ANKRD12: variants seen among roughly 807,000 people sequenced by gnomAD.
The protein encoded by ANKRD12 is ankyrin repeat domain-containing protein 12.
A neutral mutation model predicts 183.4 loss-of-function variants in ANKRD12; 85 were observed. The observed-to-expected ratio is 0.46, with a 90% CI of 0.39 to 0.56. ANKRD12 has a LOEUF of 0.56. Ranked by LOEUF, ANKRD12 falls within the 20% of genes least tolerant of loss-of-function variation. ANKRD12 has a pLI of 0.00. For missense variants in ANKRD12, 2,405 were observed against 2,357.1 expected (o/e 1.02, Z -0.42); for synonymous variants, 914 against 800.2 (o/e 1.14, Z -2.40).
At chr18:9,246,829 A>G (rs569156629) in intron 8 of ANKRD12, among the ~76,000 whole-genome samples, 15 of 152,336 alleles carry the variant, frequency 9.8e-5, no homozygotes, top group African/African-American at 3.6e-4. Context: ...TAAATTAGTT[A>G]ATCCTTAAAA....
chr18:9,143,516 A>G (rs2078390964), intron 1 of ANKRD12, among the ~76,000 whole-genome samples: 1 of 152,176 alleles, frequency 6.6e-6, no homozygotes, highest in African/African-American at 2.4e-5. Context: ...GCTGGAGTGT[A>G]AAGGCATGAT....
At chr18:9,162,681 G>C (rs1307047827) in intron 1 of ANKRD12, among the ~76,000 whole-genome samples, 1 of 152,136 alleles carries the variant, frequency 6.6e-6, no homozygotes, top group Non-Finnish European at 1.5e-5. Context: ...CAGTGTAAAA[G>C]CATTTCTTTT....
chr18:9,181,346 T>C (rs1419062348), intron 1 of ANKRD12, among the ~76,000 whole-genome samples: 1 of 152,234 alleles, frequency 6.6e-6, no homozygotes, highest in Non-Finnish European at 1.5e-5. Flanking sequence ...CAGATTTTAC[T>C]AATACTCTGT....
Position 9,258,380 on chromosome 18 carries a change from C to G in ANKRD12, c.5113C>G (p.Pro1705Ala), listed in dbSNP as rs375665799. 2 of 1,613,534 alleles carry G rather than the reference C, an allele frequency of 1.2e-6. No individual in the cohort carries two copies. The highest frequency in any genetic ancestry group is 2.7e-5 in the African/African-American group (2 of 74,874). The change falls in exon 9 of 13, where the codon CCA (proline) becomes GCA (alanine). Residue 1705 changes from proline (P) to alanine (A), a missense_variant. Pro to Ala is a conservative substitution (Grantham distance 27). Transcript: ENST00000262126. ...AAACCATTCACAGCAGTCAACTCAA[C>G]CAGAAATGCATAAATATGGTCAGTT... Reference protein sequence around the residue: ...LENHSQQSTQPEMHKYGQLVK... With the variant: ...LENHSQQSTQAEMHKYGQLVK...
chr18:9,254,490 C>T lies in ANKRD12; in HGVS notation c.1223C>T (p.Pro408Leu), dbSNP rs373658455. 1 of 1,545,528 alleles carries T rather than the reference C, an allele frequency of 6.5e-7. No individual in the cohort carries two copies. The highest frequency in any genetic ancestry group is 8.7e-7 in the Non-Finnish European group (1 of 1,152,680). ...GCAAAACAGGAGAAAGCCTTCTATC[C>T]TAAATCATTTAAAAGTAAAAAACAA... ...LFAKQEKAFY[P>L]KSFKSKKQKP... Residue 408 changes from proline (P) to leucine (L), a missense_variant, in exon 9 of 13, where the codon CCT (proline) becomes CTT (leucine). Physicochemically the swap from Pro to Leu is moderately conservative, Grantham distance 98. This residue lies in a region of ANKRD12 where 1,983 missense variants were observed against 1,725.9 expected (regional missense o/e 1.15). Coordinates refer to ENST00000262126, the MANE Select transcript of ANKRD12 (RefSeq NM_015208.5).
chr18:9,249,686 GAATA>G (rs1346701767), intron 8 of ANKRD12: 1 of 152,158 alleles, frequency 6.6e-6, no homozygotes, highest in East Asian at 1.9e-4. Flanking sequence ...AGTAGGAAAA[GAATA>G]AATCTGTAAC....
chr18:9,233,240 A>T (rs952668428), intron 8 of ANKRD12, among the ~76,000 whole-genome samples: 2 of 151,954 alleles, frequency 1.3e-5, no homozygotes, highest in African/African-American at 4.8e-5. Context: ...ATTTCATTCA[A>T]GGAGTTCTTC....
At chr18:9,193,002 G>A (rs1385050079) in intron 2 of ANKRD12, among the ~76,000 whole-genome samples, 1 of 151,800 alleles carries the variant, frequency 6.6e-6, no homozygotes, top group African/African-American at 2.4e-5. Flanking sequence ...TGTTTTCTGT[G>A]GTAATTGGTC....
rs747213116 is a variant in ANKRD12 at position 9,258,676 on chromosome 18, A to G, written c.5409A>G (p.Leu1803=). ...PQPVQVSPSL[L]QAKEKTQQSL... Reference sequence around the variant, plus strand: ...CTGTGCAAGTGAGTCCCTCTTTACTACAAGCAAAAGAGAAAACTCAGCAAT... The same window carrying G: ...CTGTGCAAGTGAGTCCCTCTTTACTGCAAGCAAAAGAGAAAACTCAGCAAT... The change falls in exon 9 of 13, where the codon CTA becomes CTG. Residue 1803 remains leucine (L), a synonymous_variant. Transcript: ENST00000262126. 6.2e-7 allele frequency: 1 copy of G among 1,613,858 alleles called. No homozygotes were observed. Among genetic ancestry groups the G allele is most frequent in the Non-Finnish European group, 8.5e-7 (1 of 1,179,932 alleles).
In ANKRD12 at chr18:9,254,636, A is replaced by G. The variant is rs763078863; in HGVS notation, c.1369A>G (p.Lys457Glu). ...PETSNSDMQT[K>E]KEYVVSGEHK... The stretch of plus-strand genomic sequence containing the variant: ...AACATCAAATTCTGATATGCAAACC[A>G]AAAAGGAATATGTAGTTTCAGGTGA... Residue 457 changes from lysine to glutamate, a missense_variant, in exon 9 of 13, where the codon AAA becomes GAA. Physicochemically the swap from Lys to Glu is moderately conservative, Grantham distance 56. Around this residue, in one of 7 missense-constraint regions of ANKRD12, gnomAD observed 1,983 missense variants for 1,725.9 expected, o/e 1.15. Coordinates refer to ENST00000262126, the MANE Select transcript of ANKRD12 (RefSeq NM_015208.5). 9 of 1,578,496 alleles carry G rather than the reference A, an allele frequency of 5.7e-6. No homozygotes were observed. The highest frequency in any genetic ancestry group is 7.7e-6 in the Non-Finnish European group (9 of 1,166,148).
intron 8 of ANKRD12, among the ~76,000 whole-genome samples, chr18:9,241,795 T>G (rs2037677971): frequency 6.6e-6 from 1 of 152,148 alleles, no homozygotes; most frequent in Admixed American, 6.6e-5. Flanking sequence ...ATCACCAACT[T>G]GCTTCTACCT....
chr18:9,255,544 G>T lies in ANKRD12; in HGVS notation c.2277G>T (p.Glu759Asp). The T allele has an allele frequency of 6.3e-7, 1 of 1,576,058 alleles. No individual in the cohort carries two copies. The highest frequency in any genetic ancestry group is 8.5e-7 in the Non-Finnish European group (1 of 1,169,874). ...EERDKIKKESEKSFREEKIKD... is the reference protein window; with the variant it reads ...EERDKIKKESDKSFREEKIKD... The stretch of plus-strand genomic sequence containing the variant: ...GAGACAAGATTAAAAAGGAAAGCGA[G>T]AAATCTTTTAGGGAGGAAAAAATAA... Residue 759 changes from glutamate to aspartate, a missense_variant, in exon 9 of 13, where the codon GAG becomes GAT. Glu to Asp is a conservative substitution (Grantham distance 45, BLOSUM62 2). Around this residue, in one of 7 missense-constraint regions of ANKRD12, gnomAD observed 1,983 missense variants for 1,725.9 expected, o/e 1.15. Transcript: ENST00000262126.
chr18:9,232,568 C>T lies in ANKRD12; in HGVS notation c.943+10569C>T, dbSNP rs537688423. On this transcript the variant is annotated intron_variant, in intron 8 of 12. Transcript: ENST00000262126. ...TTTAGAATTTTCTCTCTGTTATTGA[C>T]TTTAGACAGTTGGACTATAATGTGC... 1.6e-4 allele frequency among the ~76,000 whole-genome samples: 25 copies of T among 152,282 alleles called. No homozygotes were observed. The South Asian group carries it at 5.0e-3, about 30-fold the overall frequency.
At chr18:9,165,592 G>A (rs1360784527) in intron 1 of ANKRD12, among the ~76,000 whole-genome samples, 1 of 152,024 alleles carries the variant, frequency 6.6e-6, no homozygotes. Flanking sequence ...TCACACAAGT[G>A]GAATCATATA....
chr18:9,254,654 T>C lies in ANKRD12; in HGVS notation c.1387T>C (p.Ser463Pro). ...GCAAACCAAAAAGGAATATGTAGTTTCAGGTGAACACAAACAGAAAGGCAA... is the reference window on the plus strand; with the variant it reads ...GCAAACCAAAAAGGAATATGTAGTTCCAGGTGAACACAAACAGAAAGGCAA... ...DMQTKKEYVV[S>P]GEHKQKGKVK... Residue 463 changes from serine to proline, a missense_variant, in exon 9 of 13, where the codon TCA (serine) becomes CCA (proline). By Grantham distance (74) the Ser-to-Pro change is moderately conservative (BLOSUM62 -1). Around this residue, in one of 7 missense-constraint regions of ANKRD12, gnomAD observed 1,983 missense variants for 1,725.9 expected, o/e 1.15. Coordinates refer to ENST00000262126, the MANE Select transcript of ANKRD12 (RefSeq NM_015208.5). 6.4e-7 allele frequency: 1 copy of C among 1,564,424 alleles called. No homozygotes were observed. The highest frequency in any genetic ancestry group is 8.6e-7 in the Non-Finnish European group (1 of 1,158,622).
intron 2 of ANKRD12, among the ~76,000 whole-genome samples, chr18:9,191,044 TACTG>T (rs2034423275): frequency 6.6e-6 from 1 of 152,228 alleles, no homozygotes; most frequent in African/African-American, 2.4e-5. Context: ...TTTTCTATCT[TACTG>T]AGATGACAAA....
At position 9,250,970 on chromosome 18, in the gene ANKRD12, G is replaced by C. The variant is rs116979737; in HGVS notation, c.944-3241G>C. Among the ~76,000 whole-genome samples, 165 of 152,242 alleles carry C rather than the reference G, an allele frequency of 1.1e-3. No homozygotes were observed. In the East Asian group the frequency reaches 0.017, roughly 16 times the overall value. On this transcript the variant is annotated intron_variant, in intron 8 of 12. Coordinates refer to ENST00000262126, the MANE Select transcript of ANKRD12 (RefSeq NM_015208.5). ...GAGTCCAGGAATATCCAGGTTAGTT[G>C]ACTAGAAGTTTTTTGTTTTTTGTTT...
At position 9,257,276 on chromosome 18, in the gene ANKRD12, A is replaced by G. The variant is rs1189594082; in HGVS notation, c.4009A>G (p.Thr1337Ala). ...SEESNQGSLLTVPGDTSPSPK... is the reference protein window; with the variant it reads ...SEESNQGSLLAVPGDTSPSPK... ...AGAGAGCAATCAAGGTAGCTTATTA[A>G]CTGTGCCAGGAGATACTAGTCCTTC... The change falls in exon 9 of 13, where the codon ACT (threonine) becomes GCT (alanine). Residue 1337 changes from threonine (T) to alanine (A), a missense_variant. Around this residue, in one of 7 missense-constraint regions of ANKRD12, gnomAD observed 1,983 missense variants for 1,725.9 expected, o/e 1.15. Coordinates refer to ENST00000262126, the MANE Select transcript of ANKRD12 (RefSeq NM_015208.5). 1 of 1,614,136 alleles carries G rather than the reference A, an allele frequency of 6.2e-7. No homozygotes were observed. The highest frequency in any genetic ancestry group is 8.5e-7 in the Non-Finnish European group (1 of 1,179,982).
At chr18:9,266,493 A>G (rs2039298417) in intron 10 of ANKRD12, among the ~76,000 whole-genome samples, 1 of 152,246 alleles carries the variant, frequency 6.6e-6, no homozygotes, top group Admixed American at 6.5e-5. Context: ...TTTTCAACCC[A>G]GAATTTCATA....
Sources: allele counts gnomAD v4.1 joint callset (sites outside exome capture counted in the v4.1 genomes callset), GRCh38; gene constraint gnomAD v4.1.1; regional missense constraint gnomAD v4.1.1; transcripts MANE v1.5; gene names NCBI Gene and HGNC (gene_info 2026-07-23, HGNC 2026-07-21).